CNR1: variants seen among roughly 807,000 people sequenced by gnomAD.
CNR1 encodes the protein cannabinoid receptor 1.
In CNR1, 10 loss-of-function variants were observed where a neutral mutation model predicts 23.0. The ratio of observed to expected loss-of-function variants is 0.43; its 90% CI spans 0.27 to 0.74. The LOEUF (loss-of-function observed/expected upper bound fraction) is 0.74, where lower values mean the gene tolerates loss of function less well. CNR1 is among the 30% of genes least tolerant of loss of function. The pLI is 0.19. For missense variants in CNR1, 422 were observed against 618.8 expected (o/e 0.68, Z 3.37); for synonymous variants, 271 against 255.2 (o/e 1.06, Z -0.59).
chr6:88,165,601 A>G (rs1204690497), intron 1 of CNR1, among the ~76,000 whole-genome samples: 4 of 152,218 alleles, frequency 2.6e-5, no homozygotes, highest in African/African-American at 9.6e-5. Flanking sequence ...CACATTCAAT[A>G]AATAGTAAAT....
intron 1 of CNR1, among the ~76,000 whole-genome samples, chr6:88,155,950 C>A (rs1777771348): frequency 6.6e-6 from 1 of 152,166 alleles, no homozygotes; most frequent in African/African-American, 2.4e-5. Context: ...TTCTTTAGGT[C>A]TGAATGAGAC....
rs1474634584 is a variant in CNR1 at position 88,142,894 on chromosome 6, AG to A, written c.*961del. ...TGAAATCTACTTAAACCTGGAATAT[AG>A]GAACACAATACTATTCAAGTAAACA... On this transcript the variant is annotated 3_prime_UTR_variant, in exon 2 of 2. Coordinates refer to ENST00000369501, the MANE Select transcript of CNR1 (RefSeq NM_016083.6). 6.5e-6 allele frequency: 1 copy of A among 152,822 alleles called. No homozygotes were observed. 9.5% of individuals were successfully genotyped at this position (152,822 alleles called of 1,614,324 possible).
intron 1 of CNR1, among the ~76,000 whole-genome samples, chr6:88,152,570 A>G (rs893907128): frequency 1.1e-4 from 16 of 152,228 alleles, no homozygotes; most frequent in African/African-American, 3.6e-4. Context: ...GTGTGGTTAT[A>G]TGATAACAGA....
chr6:88,140,096 G>A lies in CNR1; in HGVS notation c.*3760C>T, dbSNP rs1776725727. The A allele has an allele frequency of 6.5e-6, 1 of 152,706 alleles. No individual in the cohort carries two copies. Among genetic ancestry groups the A allele is most frequent in the Non-Finnish European group, 1.5e-5 (1 of 68,034 alleles). The allele number at this position is 152,706 out of a possible 1,614,324, so 9.5% of individuals were successfully genotyped here. A position where few individuals can be genotyped will look rare whatever the true frequency, so the allele number is the denominator to read the frequency against. On this transcript the variant is annotated 3_prime_UTR_variant, in exon 2 of 2. Transcript: ENST00000369501. ...AATCTTACCAGTACTTGTATACAAA[G>A]TATTATACAGATTACTAACGAAGAT...
intron 1 of CNR1, 88 bp downstream of exon 1, chr6:88,165,715 C>G (rs948622825): frequency 6.6e-6 from 1 of 152,508 alleles, no homozygotes; most frequent in Non-Finnish European, 1.5e-5. Context: ...AAGAACTCCA[C>G]GAAGGACACT....
chr6:88,149,634 AATACACCGTC>A (rs1777413380), intron 1 of CNR1, among the ~76,000 whole-genome samples: 1 of 152,074 alleles, frequency 6.6e-6, no homozygotes, highest in African/African-American at 2.4e-5. Flanking sequence ...CTGCTCTTTG[AATACACCGTC>A]ATACCTGCAC....
At position 88,144,560 on chromosome 6, in the gene CNR1, G is replaced by A. The variant is rs778127844; in HGVS notation, c.715C>T (p.Leu239=). The change falls in exon 2 of 2, where the codon CTG becomes TTG. Residue 239 remains leucine, a synonymous_variant. Transcript: ENST00000369501. This position sits in a 1 kb window ranked among gnomAD's most constrained non-coding sequence, Gnocchi z 7.8. ...TRPKAVVAFC[L]MWTIAIVIAV... Reference sequence around the variant, plus strand: ...ATCACAATGGCTATGGTCCACATCAGGCAAAACGCCACCACGGCCTTGGGC... The same window carrying A: ...ATCACAATGGCTATGGTCCACATCAAGCAAAACGCCACCACGGCCTTGGGC... 37 of 1,614,098 alleles carry A rather than the reference G, an allele frequency of 2.3e-5. No homozygotes were observed. Among genetic ancestry groups the A allele is most frequent in the Non-Finnish European group, 3.1e-5 (36 of 1,180,052 alleles).
intron 1 of CNR1, among the ~76,000 whole-genome samples, chr6:88,151,379 A>G (rs2127842269): frequency 6.6e-6 from 1 of 152,254 alleles, no homozygotes; most frequent in Admixed American, 6.5e-5. Context: ...CACTGATTCC[A>G]ACCAGTCAAA....
intron 1 of CNR1, among the ~76,000 whole-genome samples, chr6:88,153,815 C>T (rs190372971): frequency 5.9e-5 from 9 of 152,324 alleles, no homozygotes; most frequent in Admixed American, 2.6e-4. Flanking sequence ...TCAATATACA[C>T]GGCAGATGCC....
intron 1 of CNR1, among the ~76,000 whole-genome samples, chr6:88,147,990 C>T (rs1777297465): frequency 6.6e-6 from 1 of 152,174 alleles, no homozygotes; most frequent in Admixed American, 6.5e-5. Context: ...GGCTTTCTAT[C>T]TCCCACCTGC....
Position 88,164,865 on chromosome 6 carries a change from G to A in CNR1, c.-64+938C>T, listed in dbSNP as rs2273512. On this transcript the variant is annotated intron_variant, in intron 1 of 1. Coordinates refer to ENST00000369501, the MANE Select transcript of CNR1 (RefSeq NM_016083.6). ...TAATAAAAATGAGGAGAAGTTATGG[G>A]ACCCACAGAGATATCTTTCAACACC... 2.1e-3 allele frequency among the ~76,000 whole-genome samples: 317 copies of A among 152,190 alleles called. 3 individuals carry two copies. The East Asian group carries it at 0.035, about 17-fold the overall frequency.
At chr6:88,161,049 A>G (rs1778077730) in intron 1 of CNR1, among the ~76,000 whole-genome samples, 1 of 152,242 alleles carries the variant, frequency 6.6e-6, no homozygotes, top group South Asian at 2.1e-4. Context: ...GGCAAACTAA[A>G]TTCTTGCATT....
chr6:88,166,733 G>A (rs1778385244), upstream of CNR1, among the ~76,000 whole-genome samples: 1 of 152,086 alleles, frequency 6.6e-6, no homozygotes, highest in Admixed American at 6.5e-5. Context: ...ACACGCTCCC[G>A]GGCAGCGCGC....
At chr6:88,162,342 T>A (rs1778152169) in intron 1 of CNR1, among the ~76,000 whole-genome samples, 1 of 152,234 alleles carries the variant, frequency 6.6e-6, no homozygotes. Context: ...TAAATAAAAG[T>A]GTGTTTCTAT....
rs1463847950 is a variant in CNR1 at position 88,140,003 on chromosome 6, T to C, written c.*3853A>G. The C allele has an allele frequency of 6.5e-6, 1 of 152,714 alleles. No individual in the cohort carries two copies. Among genetic ancestry groups the C allele is most frequent in the Non-Finnish European group, 1.5e-5 (1 of 68,024 alleles). The allele number at this position is 152,714 out of a possible 1,614,324, so 9.5% of individuals were successfully genotyped here. A position where few individuals can be genotyped will look rare whatever the true frequency, so the allele number is the denominator to read the frequency against. ...TAAAATATACTGTGGGCTTAATACA[T>C]TGTAAATATTACAGAAGAAGTACTA... On this transcript the variant is annotated 3_prime_UTR_variant, in exon 2 of 2. Transcript: ENST00000369501.
chr6:88,145,325 A>C lies in CNR1; in HGVS notation c.-51T>G. 6.9e-7 allele frequency: 1 copy of C among 1,456,006 alleles called. No individual in the cohort carries two copies. The highest frequency in any genetic ancestry group is 1.8e-4 in the Middle Eastern group (1 of 5,482). 90.2% of individuals were successfully genotyped at this position (1,456,006 alleles called of 1,614,324 possible). A position where few individuals can be genotyped will look rare whatever the true frequency, so the allele number is the denominator to read the frequency against. On this transcript the variant is annotated 5_prime_UTR_variant, in exon 2 of 2. Coordinates refer to ENST00000369501, the MANE Select transcript of CNR1 (RefSeq NM_016083.6). ...CTCAAAATGACTGAGAAAGTGACCC[A>C]CAGGGGGCAATCCTAAGAGGAGGGA...
rs1776790200 is a variant in CNR1 at position 88,141,143 on chromosome 6, G to A, written c.*2713C>T. The A allele has an allele frequency of 6.6e-6, 1 of 152,360 alleles. No individual in the cohort carries two copies. The highest frequency in any genetic ancestry group is 1.5e-5 in the Non-Finnish European group (1 of 68,020). The allele number at this position is 152,360 out of a possible 1,614,324, so 9.4% of individuals were successfully genotyped here. On this transcript the variant is annotated 3_prime_UTR_variant, in exon 2 of 2. Coordinates refer to ENST00000369501, the MANE Select transcript of CNR1 (RefSeq NM_016083.6). ...CATTTAAATTAATGGATCTAATTAT[G>A]GGGTTAATTAATGAGTGATATTAAC... is the stretch of plus-strand genomic sequence containing the variant.
chr6:88,155,618 T>A (rs1378225574), intron 1 of CNR1, among the ~76,000 whole-genome samples: 4 of 152,204 alleles, frequency 2.6e-5, no homozygotes, highest in Admixed American at 2.6e-4. Context: ...TTATCTAATG[T>A]GTACATGATA....
At chr6:88,151,495 T>G (rs1777515527) in intron 1 of CNR1, among the ~76,000 whole-genome samples, 2 of 152,158 alleles carry the variant, frequency 1.3e-5, no homozygotes, top group Non-Finnish European at 2.9e-5. Flanking sequence ...AAAATGGGGA[T>G]GAGGATGATG....
Sources: gnomAD v4.1 joint callset for allele counts (sites outside exome capture counted in the v4.1 genomes callset) on GRCh38, gnomAD v4.1.1 for gene constraint, Gnocchi (gnomAD v3.1) non-coding constraint, MANE v1.5 for transcripts, NCBI Gene and HGNC (gene_info 2026-07-23, HGNC 2026-07-21) for gene names.